Variants in LDLRAD4 observed in about 807,000 individuals in gnomAD.
The protein encoded by LDLRAD4 is low density lipoprotein receptor class A domain containing 4, also known as low-density lipoprotein receptor class A domain-containing protein 4.
LDLRAD4 carries 5 observed loss-of-function variants against 17.0 expected under a neutral mutation model. The ratio of observed to expected loss-of-function variants is 0.29; its 90% CI spans 0.15 to 0.62. LDLRAD4 has a LOEUF of 0.62. Ranked by LOEUF, LDLRAD4 falls within the 20% of genes least tolerant of loss-of-function variation. LDLRAD4 has a pLI of 0.84. For synonymous variants in LDLRAD4, 168 were observed against 171.8 expected (o/e 0.98, Z 0.17); for missense variants, 340 against 424.7 (o/e 0.80, Z 1.75).
chr18:13,310,833 A>G (rs757030658), intron 1 of LDLRAD4, among the ~76,000 whole-genome samples: 22 of 152,192 alleles, frequency 1.4e-4, no homozygotes, highest in Non-Finnish European at 2.5e-4. Flanking sequence ...CCTTATTCTT[A>G]TATTTTACTT....
intron 3 of LDLRAD4, among the ~76,000 whole-genome samples, chr18:13,439,438 T>G (rs2090882553): frequency 1.3e-5 from 2 of 152,218 alleles, no homozygotes; most frequent in Admixed American, 6.5e-5. Context: ...GTACAAATAG[T>G]TTTTCTCAAG....
intron 2 of LDLRAD4, among the ~76,000 whole-genome samples, chr18:13,404,434 GTGGACACAGCCCACTCAC>G (rs1426435054): frequency 6.6e-6 from 1 of 152,222 alleles, no homozygotes; most frequent in Non-Finnish European, 1.5e-5. Context: ...GCTGTCCCAC[GTGGACACAGCCCACTCAC>G]TGGGTGCTGC....
intron 3 of LDLRAD4, among the ~76,000 whole-genome samples, chr18:13,466,861 C>G (rs1255234770): frequency 3.9e-5 from 6 of 152,166 alleles, no homozygotes; most frequent in Non-Finnish European, 7.3e-5. Flanking sequence ...CCAGCCAGCT[C>G]TCTGGGATCT....
At chr18:13,605,455 C>A (rs1352263683) in intron 3 of LDLRAD4, among the ~76,000 whole-genome samples, 1 of 152,214 alleles carries the variant, frequency 6.6e-6, no homozygotes, top group Non-Finnish European at 1.5e-5. Flanking sequence ...TGGCCTCAAG[C>A]AGTCCTCCTA....
At chr18:13,497,089 A>G (rs1326539757) in intron 3 of LDLRAD4, among the ~76,000 whole-genome samples, 1 of 152,220 alleles carries the variant, frequency 6.6e-6, no homozygotes, top group Non-Finnish European at 1.5e-5. Context: ...CTGCTGCCTG[A>G]CTCATAATGA....
intron 2 of LDLRAD4, chr18:13,420,747 C>G (rs774827388): frequency 2.6e-5 from 4 of 152,252 alleles, no homozygotes; most frequent in Non-Finnish European, 5.9e-5. Flanking sequence ...AAAGTGGTCC[C>G]TGGTCAGCCC....
At chr18:13,370,708 G>GTTTTTTTTTTTTT (rs1568061721) in intron 1 of LDLRAD4, among the ~76,000 whole-genome samples, 1 of 13,500 alleles carries the variant, frequency 7.4e-5, no homozygotes, top group Non-Finnish European at 2.1e-4. Flanking sequence ...ATGGTTTTTT[G>GTTTTTTTTTTTTT]TTTTGTTTTT....
intron 3 of LDLRAD4, among the ~76,000 whole-genome samples, chr18:13,600,798 T>C (rs535174044): frequency 6.6e-6 from 1 of 152,240 alleles, no homozygotes; most frequent in Admixed American, 6.5e-5. Context: ...TAAATTTTTT[T>C]AAAATTACTT....
At chr18:13,620,575 G>A (rs973911180) in intron 3 of LDLRAD4, among the ~76,000 whole-genome samples, 1 of 152,204 alleles carries the variant, frequency 6.6e-6, no homozygotes, top group Non-Finnish European at 1.5e-5. Flanking sequence ...GGACTCACAT[G>A]TGAAGTGTGT....
intron 2 of LDLRAD4, chr18:13,421,112 C>A (rs1343802780): frequency 6.6e-6 from 1 of 152,316 alleles, no homozygotes; most frequent in African/African-American, 2.4e-5. Flanking sequence ...TCTGCAGTCT[C>A]TGCGAGGGAG....
intron 2 of LDLRAD4, among the ~76,000 whole-genome samples, chr18:13,418,059 G>A (rs2089089320): frequency 6.6e-6 from 1 of 152,182 alleles, no homozygotes; most frequent in Non-Finnish European, 1.5e-5. Flanking sequence ...AGGCTGGGCT[G>A]TTTAAGGTGC....
intron 3 of LDLRAD4, among the ~76,000 whole-genome samples, chr18:13,519,370 T>A (rs997558172): frequency 1.3e-5 from 2 of 151,972 alleles, no homozygotes; most frequent in African/African-American, 2.4e-5. Flanking sequence ...GGAGCTGGGG[T>A]CAGCTCTTTC....
intron 1 of LDLRAD4, among the ~76,000 whole-genome samples, chr18:13,313,790 G>A (rs2080783455): frequency 6.6e-6 from 1 of 151,450 alleles, no homozygotes; most frequent in Non-Finnish European, 1.5e-5. Flanking sequence ...ACATGTACCT[G>A]TGCCTTGTGA....
chr18:13,515,454 T>TA (rs1426557595), intron 3 of LDLRAD4: 3 of 152,140 alleles, frequency 2.0e-5, no homozygotes, highest in Non-Finnish European at 4.4e-5. Flanking sequence ...ACAGTTGTCT[T>TA]AAAAAACAAA....
chr18:13,416,329 A>G lies in LDLRAD4; in HGVS notation c.41-21915A>G, dbSNP rs79432898. Among the ~76,000 whole-genome samples the G allele has an allele frequency of 8.9e-3, 1,360 of 152,308 alleles. 22 individuals carry two copies. The highest frequency in any genetic ancestry group is 0.031 in the African/African-American group (1,291 of 41,558). ...CTTGCCCTTCTTTTAAGTGGTTTGCATGAGATCCTCCAAGCACTGTCACTT... is the reference window on the plus strand; with the variant it reads ...CTTGCCCTTCTTTTAAGTGGTTTGCGTGAGATCCTCCAAGCACTGTCACTT... On this transcript the variant is annotated intron_variant, in intron 2 of 5. Coordinates refer to ENST00000359446, the Ensembl canonical transcript of LDLRAD4.
rs960982994 is a variant in LDLRAD4 at position 13,242,783 on chromosome 18, T to C, written c.-467+23795T>C. Among the ~76,000 whole-genome samples, 19 of 152,392 alleles carry C rather than the reference T, an allele frequency of 1.2e-4. 1 individual carries two copies. Among genetic ancestry groups the C allele is most frequent in the Admixed American group, 8.5e-4 (13 of 15,302 alleles). On this transcript the variant is annotated intron_variant, in intron 1 of 5. Transcript: ENST00000399848. ...ATTGTACCCATTAGATGTACTGTTT[T>C]ACTTAACTCTAATAAAGGTAATTTT...
Position 13,342,692 on chromosome 18 carries a change from G to A in LDLRAD4, c.-382-44649G>A, listed in dbSNP as rs942879592. Among the ~76,000 whole-genome samples, 32 of 151,596 alleles carry A rather than the reference G, an allele frequency of 2.1e-4. 1 individual carries two copies. Among genetic ancestry groups the A allele is most frequent in the Admixed American group, 1.9e-3 (29 of 15,210 alleles). ...CTATTTGCATGGAATATTACAAATA[G>A]TATTTTCCATACTTTCACTTTCAAC... On this transcript the variant is annotated intron_variant, in intron 1 of 5. Transcript: ENST00000359446.
At chr18:13,235,592 A>C (rs545992525) in intron 1 of LDLRAD4, among the ~76,000 whole-genome samples, 4 of 151,582 alleles carry the variant, frequency 2.6e-5, no homozygotes, top group Admixed American at 6.6e-5. Context: ...AAACTGAAAA[A>C]CCCCCCACAT....
intron 1 of LDLRAD4, among the ~76,000 whole-genome samples, chr18:13,319,869 T>TA (rs1185669298): frequency 6.6e-6 from 1 of 152,222 alleles, no homozygotes; most frequent in African/African-American, 2.4e-5. Flanking sequence ...ACTTACGATT[T>TA]AAAGCTCAGG....
Sources: gnomAD v4.1 joint callset for allele counts (sites outside exome capture counted in the v4.1 genomes callset) on GRCh38, gnomAD v4.1.1 for gene constraint, MANE v1.5 for transcripts, NCBI Gene and HGNC (gene_info 2026-07-23, HGNC 2026-07-21) for gene names.